Variants in MAP1B observed in about 807,000 individuals in gnomAD.
The protein encoded by MAP1B is microtubule associated protein 1B, also known as microtubule-associated protein 1B.
In MAP1B, 12 loss-of-function variants were observed where a neutral mutation model predicts 176.1. The ratio of observed to expected loss-of-function variants is 0.07; its 90% CI spans 0.04 to 0.11. The LOEUF (loss-of-function observed/expected upper bound fraction) is 0.11. Ranked by LOEUF, MAP1B falls within the 10% of genes least tolerant of loss-of-function variation. MAP1B has a pLI of 1.00. For synonymous variants in MAP1B, 1,044 were observed against 1,135.0 expected, an observed-to-expected ratio of 0.92 and a Z score of 1.61; for missense variants, 2,523 against 2,990.5, an observed-to-expected ratio of 0.84 and a Z score of 3.65.
In MAP1B at chr5:72,186,478, G is replaced by T. The variant is rs1746900127; in HGVS notation, c.370-136G>T. The T allele has an allele frequency of 9.3e-7, 1 of 1,069,914 alleles. No individual in the cohort carries two copies. The highest frequency in any genetic ancestry group is 2.2e-5 in the Admixed American group (1 of 46,156). The allele number at this position is 1,069,914 out of a possible 1,614,324, so 66.3% of individuals were successfully genotyped here. On this transcript the variant is annotated intron_variant, in intron 3 of 6. Coordinates refer to ENST00000296755, the MANE Select transcript of MAP1B (RefSeq NM_005909.5). This position sits in a 1 kb window ranked among gnomAD's most constrained non-coding sequence, Gnocchi z 4.3. ...CCTCCCGTGCTCTTCTGGCCTCCAG[G>T]AGAAATTAGACCTTTGGGGAATGAA...
chr5:72,195,442 C>A lies in MAP1B; in HGVS notation c.2087C>A (p.Pro696His). 2 of 1,571,928 alleles carry A rather than the reference C, an allele frequency of 1.3e-6. No individual in the cohort carries two copies. Among genetic ancestry groups the A allele is most frequent in the African/African-American group, 1.4e-5 (1 of 72,052 alleles). The stretch of plus-strand genomic sequence containing the variant: ...ATCAAGAAAGAAGAGAAAAAAGAAC[C>A]CAAGAAAGAGGTTAAGAAAGAAACA... ...KEIKKEEKKE[P>H]KKEVKKETPP... The change falls in exon 5 of 7, where the codon CCC becomes CAC. Residue 696 changes from proline (P) to histidine (H), a missense_variant. Around this residue, in one of 4 missense-constraint regions of MAP1B, gnomAD observed 1,925 missense variants for 2,126.0 expected, o/e 0.91. Transcript: ENST00000296755.
In MAP1B at chr5:72,118,057, T is replaced by C. The variant is rs541053432; in HGVS notation, c.286+2258T>C. ...TTTTCCTGAACAAACTGGAAAGGTTTTATGGAAAAATTTGAAGTCTGTTTT... is the reference window on the plus strand; with the variant it reads ...TTTTCCTGAACAAACTGGAAAGGTTCTATGGAAAAATTTGAAGTCTGTTTT... On this transcript the variant is annotated intron_variant, in intron 2 of 6. Coordinates refer to ENST00000296755, the MANE Select transcript of MAP1B (RefSeq NM_005909.5). Among the ~76,000 whole-genome samples the C allele has an allele frequency of 7.2e-5, 11 of 152,352 alleles. No homozygotes were observed. In the South Asian group the frequency reaches 2.1e-3, roughly 29 times the overall value.
At chr5:72,119,847 A>G (rs569939011) in intron 2 of MAP1B, among the ~76,000 whole-genome samples, 5 of 152,304 alleles carry the variant, frequency 3.3e-5, no homozygotes, top group Admixed American at 2.6e-4. Flanking sequence ...ATGATTTTAA[A>G]TACTATCATA....
rs574715857 is a variant in MAP1B at position 72,159,714 on chromosome 5, A to C, written c.287-24029A>C. ...AGCCTTCAAGGCATTCAATGATGAA[A>C]ATAAAGAAACATTTGTGAAAATTCA... On this transcript the variant is annotated intron_variant, in intron 2 of 6. Coordinates refer to ENST00000296755, the MANE Select transcript of MAP1B (RefSeq NM_005909.5). Among the ~76,000 whole-genome samples, 245 of 152,328 alleles carry C rather than the reference A, an allele frequency of 1.6e-3. 2 individuals are homozygous for C. Among genetic ancestry groups the C allele is most frequent in the African/African-American group, 5.6e-3 (232 of 41,580 alleles).
At chr5:72,113,760 A>G (rs1745384003) in intron 1 of MAP1B, among the ~76,000 whole-genome samples, 1 of 152,244 alleles carries the variant, frequency 6.6e-6, no homozygotes. Flanking sequence ...TCAGTCAACA[A>G]TACCAATTAA....
At chr5:72,144,032 T>C (rs907246965) in intron 2 of MAP1B, among the ~76,000 whole-genome samples, 2 of 152,220 alleles carry the variant, frequency 1.3e-5, no homozygotes, top group Admixed American at 6.5e-5. Flanking sequence ...ATTCAGTCAT[T>C]GAATAAGATT....
chr5:72,138,088 G>A (rs1387879236), intron 2 of MAP1B, among the ~76,000 whole-genome samples: 1 of 152,046 alleles, frequency 6.6e-6, no homozygotes, highest in Non-Finnish European at 1.5e-5. Context: ...TAAAGTACTT[G>A]CCCCAAATAT....
At chr5:72,115,114 C>T (rs1275388892) in intron 1 of MAP1B, among the ~76,000 whole-genome samples, 2 of 152,106 alleles carry the variant, frequency 1.3e-5, no homozygotes, top group African/African-American at 4.8e-5. Flanking sequence ...CTCTGTTTAT[C>T]AAAGATCACA....
At chr5:72,138,833 C>T (rs952826100) in intron 2 of MAP1B, among the ~76,000 whole-genome samples, 2 of 152,220 alleles carry the variant, frequency 1.3e-5, no homozygotes, top group African/African-American at 2.4e-5. Context: ...ATTTCAATGA[C>T]ACCCAAATTG....
chr5:72,153,631 C>T (rs569989456), intron 2 of MAP1B, among the ~76,000 whole-genome samples: 1 of 151,804 alleles, frequency 6.6e-6, no homozygotes. Context: ...GTGAAGAAGA[C>T]GGGTTCTTAA....
intron 2 of MAP1B, among the ~76,000 whole-genome samples, chr5:72,139,030 C>T (rs1745890975): frequency 1.3e-5 from 2 of 152,102 alleles, no homozygotes; most frequent in African/African-American, 4.8e-5. Context: ...TTGTATTCCT[C>T]ATGGAAATGA....
At chr5:72,157,308 T>C (rs536568327) in intron 2 of MAP1B, among the ~76,000 whole-genome samples, 1 of 152,328 alleles carries the variant, frequency 6.6e-6, no homozygotes, top group African/African-American at 2.4e-5. Context: ...AAAGTACCAT[T>C]AGTGGTATTA....
chr5:72,192,634 A>G (rs1208263899), intron 4 of MAP1B, among the ~76,000 whole-genome samples: 1 of 152,244 alleles, frequency 6.6e-6, no homozygotes, highest in Non-Finnish European at 1.5e-5. Flanking sequence ...ACTAGAAGGT[A>G]AGAGTTCAGA....
intron 2 of MAP1B, among the ~76,000 whole-genome samples, chr5:72,153,223 G>C (rs1164315233): frequency 6.6e-6 from 1 of 152,040 alleles, no homozygotes; most frequent in Non-Finnish European, 1.5e-5. Context: ...TAGCTGTGCT[G>C]GGTTACACAG....
At chr5:72,185,729 G>A (rs1746882976) in intron 3 of MAP1B, among the ~76,000 whole-genome samples, 1 of 152,218 alleles carries the variant, frequency 6.6e-6, no homozygotes. Flanking sequence ...TGGAGCAGAT[G>A]GGGCTGAAAC....
Position 72,199,630 on chromosome 5 carries a change from A to T in MAP1B, c.6275A>T (p.His2092Leu). The change falls in exon 5 of 7, where the codon CAC becomes CTC. Residue 2092 changes from histidine to leucine, a missense_variant. His to Leu is a moderately conservative substitution (Grantham distance 99, BLOSUM62 -3). Around this residue, in one of 4 missense-constraint regions of MAP1B, gnomAD observed 1,925 missense variants for 2,126.0 expected, o/e 0.91. Transcript: ENST00000296755. The surrounding 1 kb of genome is among the most constrained non-coding windows in gnomAD (Gnocchi z 4.2). ...LCLVSSCEYK[H>L]PKTELSPSFI... Reference sequence around the variant, plus strand: ...CTCGTGTCCTCTTGTGAATACAAGCACCCCAAGACAGAGCTTTCACCCTCT... The same window carrying T: ...CTCGTGTCCTCTTGTGAATACAAGCTCCCCAAGACAGAGCTTTCACCCTCT... 3.1e-6 allele frequency: 5 copies of T among 1,614,074 alleles called. No individual in the cohort carries two copies. Among genetic ancestry groups the T allele is most frequent in the Non-Finnish European group, 4.2e-6 (5 of 1,180,022 alleles).
At chr5:72,181,311 T>A (rs2112208859) in intron 2 of MAP1B, among the ~76,000 whole-genome samples, 1 of 152,264 alleles carries the variant, frequency 6.6e-6, no homozygotes, top group South Asian at 2.1e-4. Flanking sequence ...TCCTTCCTGA[T>A]ATAAAGGAAA....
At position 72,198,242 on chromosome 5, in the gene MAP1B, A is replaced by G. The variant is rs1747231789; in HGVS notation, c.4887A>G (p.Ala1629=). 6.2e-7 allele frequency: 1 copy of G among 1,614,090 alleles called. No homozygotes were observed. The highest frequency in any genetic ancestry group is 1.3e-5 in the African/African-American group (1 of 74,938). Residue 1629 remains alanine (A), a synonymous_variant, in exon 5 of 7, where the codon GCA becomes GCG. Transcript: ENST00000296755. ...CACCAGATTTCTCCCCTAAAACTGC[A>G]AAGTCCAGGACACCCGTTCAAGATC... The part of the protein sequence containing the change: ...ISPPDFSPKT[A]KSRTPVQDHR...
Position 72,198,023 on chromosome 5 carries a change from A to C in MAP1B, c.4668A>C (p.Ser1556=). Residue 1556 remains serine (S), a synonymous_variant, in exon 5 of 7, where the codon TCA becomes TCC. Transcript: ENST00000296755. ...MEGVASVSTA[S]VATSSFPEPT... is the part of the protein sequence containing the mutation. ...GTGTGGCCTCAGTGTCCACAGCCTC[A>C]GTGGCTACGAGCTCATTTCCAGAGC... is the stretch of plus-strand genomic sequence containing the variant. 1 of 1,614,216 alleles carries C rather than the reference A, an allele frequency of 6.2e-7. No homozygotes were observed. The highest frequency in any genetic ancestry group is 8.5e-7 in the Non-Finnish European group (1 of 1,180,034).
Sources: gnomAD v4.1 joint callset for allele counts (sites outside exome capture counted in the v4.1 genomes callset) on GRCh38, gnomAD v4.1.1 for gene constraint, gnomAD v4.1.1 regional missense constraint, Gnocchi (gnomAD v3.1) non-coding constraint, MANE v1.5 for transcripts, NCBI Gene and HGNC (gene_info 2026-07-23, HGNC 2026-07-21) for gene names.